The following COQ2 variants were observed in gnomAD, a reference collection of about 807,000 sequenced individuals.
COQ2 encodes 4-hydroxybenzoate polyprenyltransferase, mitochondrial.
In COQ2, 25 loss-of-function variants were observed where a neutral mutation model predicts 35.7. The ratio of observed to expected loss-of-function variants is 0.70; its 90% CI spans 0.51 to 0.98. The LOEUF (loss-of-function observed/expected upper bound fraction) is 0.98, where lower values mean the gene tolerates loss of function less well. COQ2 is among the 50% of genes least tolerant of loss of function. The pLI is 0.00. For missense variants in COQ2, 488 were observed against 473.5 expected (o/e 1.03, Z -0.28); for synonymous variants, 206 against 186.2 (o/e 1.11, Z -0.86).
rs755693170 is a variant in COQ2, at chr4:83,272,074, A to AT, written c.628+12dup. ...AATATCAAAGGAAATACTTTTAGTT[A>AT]TTGTAAGCTCACCCAAGGCTAGTTG... On this transcript the variant is annotated intron_variant, in intron 4 of 6. Transcript: ENST00000647002. 6.4e-7 allele frequency: 1 copy of AT among 1,551,992 alleles called. No individual in the cohort carries two copies. The highest frequency in any genetic ancestry group is 1.4e-5 in the African/African-American group (1 of 73,222).
chr4:83,267,407 C>G (rs1734946045), intron 6 of COQ2, among the ~76,000 whole-genome samples, 179 bp downstream of exon 6: 1 of 152,040 alleles, frequency 6.6e-6, no homozygotes, highest in Non-Finnish European at 1.5e-5. Context: ...AAATAAAATA[C>G]TAGAGCTAGC....
At chr4:83,284,863 C>G (rs1312144693), upstream of COQ2, 5 of 1,535,696 alleles carry the variant, frequency 3.3e-6, no homozygotes. Flanking sequence ...CCAGGCTGGG[C>G]GGCGGTGTGG....
At chr4:83,279,500 T>G (rs1003573812) in intron 1 of COQ2, among the ~76,000 whole-genome samples, 6 of 152,198 alleles carry the variant, frequency 3.9e-5, no homozygotes, top group East Asian at 1.9e-4. Context: ...AATACTCTTA[T>G]GTATTTCTAA....
intron 2 of COQ2, among the ~76,000 whole-genome samples, chr4:83,274,350 C>T (rs141813349): frequency 6.6e-6 from 1 of 152,060 alleles, no homozygotes; most frequent in African/African-American, 2.4e-5. Context: ...TCCACCACCA[C>T]CCCTGGCTAA....
intron 1 of COQ2, 64 bp downstream of exon 1, chr4:83,284,448 C>G: frequency 6.7e-7 from 1 of 1,502,838 alleles, no homozygotes; most frequent in South Asian, 1.3e-5. Flanking sequence ...GCGGACAGCT[C>G]CGCGGAGCCG....
At chr4:83,284,947 T>A (rs769136043), upstream of COQ2, 1 of 1,407,224 alleles carries the variant, frequency 7.1e-7, no homozygotes, top group African/African-American at 1.5e-5. Flanking sequence ...GAATACTTAA[T>A]GAAAAAGGGA....
At chr4:83,284,050 G>C in intron 1 of COQ2, 1 of 985,444 alleles carries the variant, frequency 1.0e-6, no homozygotes, top group Non-Finnish European at 1.2e-6. Flanking sequence ...TTTCCTCAGC[G>C]TCTTAACTGT....
At chr4:83,273,705 G>A in intron 2 of COQ2, 88 bp from the exon 3 acceptor site, 2 of 1,224,030 alleles carry the variant, frequency 1.6e-6, no homozygotes, top group Non-Finnish European at 2.3e-6. Flanking sequence ...CCCATGGTAG[G>A]CACAAATATG....
chr4:83,282,600 TC>T, intron 1 of COQ2: 1 of 888,102 alleles, frequency 1.1e-6, no homozygotes, highest in Non-Finnish European at 1.3e-6. Context: ...TACAATTTTC[TC>T]CATTCCCCAC....
chr4:83,270,017 G>C (rs778664698), intron 4 of COQ2, 24 bp from the exon 5 acceptor site: 1 of 1,612,392 alleles, frequency 6.2e-7, no homozygotes, highest in African/African-American at 1.3e-5. Context: ...AACACAAAAA[G>C]GGGGAAAGTC....
chr4:83,275,804 T>C (rs181578321), intron 2 of COQ2, among the ~76,000 whole-genome samples: 8 of 151,980 alleles, frequency 5.3e-5, no homozygotes, highest in Non-Finnish European at 1.0e-4. Flanking sequence ...CTTCAAATAT[T>C]TAATCTCAAA....
At chr4:83,280,407 A>G (rs1022476638) in intron 1 of COQ2, among the ~76,000 whole-genome samples, 1 of 152,248 alleles carries the variant, frequency 6.6e-6, no homozygotes, top group Non-Finnish European at 1.5e-5. Context: ...TCAAATGACT[A>G]AAGTCCCTGT....
chr4:83,268,186 C>T (rs938239435), intron 5 of COQ2, among the ~76,000 whole-genome samples: 1 of 152,210 alleles, frequency 6.6e-6, no homozygotes, highest in African/African-American at 2.4e-5. Context: ...CAATAATCTC[C>T]TATACATTTT....
At chr4:83,269,744 T>C (rs1248858707) in intron 5 of COQ2, 116 bp downstream of exon 5, 1 of 934,940 alleles carries the variant, frequency 1.1e-6, no homozygotes, top group Non-Finnish European at 1.5e-6. Flanking sequence ...CTTAATTTGG[T>C]TCTTAAAGTT....
chr4:83,283,955 C>A (rs1361296138), intron 1 of COQ2: 2 of 985,280 alleles, frequency 2.0e-6, no homozygotes, highest in Non-Finnish European at 2.4e-6. Flanking sequence ...TAAATCTTTG[C>A]CTTATGGGTG....
intron 5 of COQ2, 28 bp downstream of exon 5, chr4:83,269,832 C>T (rs764601918): frequency 2.7e-6 from 4 of 1,503,182 alleles, no homozygotes; most frequent in Non-Finnish European, 3.6e-6. Flanking sequence ...ACAACTAAAC[C>T]AAAGTTAAGA....
intron 3 of COQ2, among the ~76,000 whole-genome samples, chr4:83,272,836 A>G (rs75836455): frequency 0.026 from 3,996 of 152,306 alleles, 95 homozygotes; most frequent in African/African-American, 0.068. Flanking sequence ...TTAGGACCTC[A>G]AAGTTTATCT....
chr4:83,267,672 C>G lies in COQ2; in HGVS notation c.865G>C (p.Ala289Pro), dbSNP rs767032541. 5 of 1,568,368 alleles carry G rather than the reference C, an allele frequency of 3.2e-6. No individual in the cohort carries two copies. Among genetic ancestry groups the G allele is most frequent in the African/African-American group, 1.4e-5 (1 of 73,562 alleles). Reference sequence around the variant, plus strand: ...CTGTTCACACCCACTAGGCTCAGTGCCCCCAGCATTGCAACACTGAAGCCG... The same window carrying G: ...CTGTTCACACCCACTAGGCTCAGTGGCCCCAGCATTGCAACACTGAAGCCG... ...LSGFSVAMLG[A>P]LSLVGVNSGQ... Residue 289 changes from alanine to proline, a missense_variant, in exon 6 of 7, where the codon GCA (alanine) becomes CCA (proline). Ala to Pro is a conservative substitution (Grantham distance 27, BLOSUM62 -1). Coordinates refer to ENST00000647002, the MANE Select transcript of COQ2 (RefSeq NM_001358921.2).
In COQ2 at chr4:83,268,308, T is replaced by A. The variant is rs77612690; in HGVS notation, c.763-534A>T. ...CCTATCCCTTGCCTTTCCTATCAAATCCTGTTTAGGTAGAGCTAGGTCTTG... is the reference window on the plus strand; with the variant it reads ...CCTATCCCTTGCCTTTCCTATCAAAACCTGTTTAGGTAGAGCTAGGTCTTG... On this transcript the variant is annotated intron_variant, in intron 5 of 6. Transcript: ENST00000647002. 8.7e-3 allele frequency among the ~76,000 whole-genome samples: 1,321 copies of A among 152,292 alleles called. 24 individuals are homozygous for A. The highest frequency in any genetic ancestry group is 0.03 in the African/African-American group (1,249 of 41,542).
Sources: allele counts gnomAD v4.1 joint callset (sites outside exome capture counted in the v4.1 genomes callset), GRCh38; gene constraint gnomAD v4.1.1; transcripts MANE v1.5; gene names NCBI Gene and HGNC (gene_info 2026-07-23, HGNC 2026-07-21).